BMPER: variants seen among roughly 807,000 people sequenced by gnomAD.
The protein encoded by BMPER is BMP-binding endothelial regulator protein.
In BMPER, 45 loss-of-function variants were observed where a neutral mutation model predicts 87.3. That is an observed-to-expected ratio of 0.52 (90% CI 0.41 to 0.66). BMPER has a LOEUF of 0.66. BMPER is among the 30% of genes least tolerant of loss of function. The pLI is 0.00. For missense variants in BMPER, 784 were observed against 867.5 expected (o/e 0.90, Z 1.21); for synonymous variants, 326 against 316.2 (o/e 1.03, Z -0.33).
intron 2 of BMPER, among the ~76,000 whole-genome samples, chr7:33,934,935 A>C (rs921052202): frequency 2.0e-5 from 3 of 152,094 alleles, no homozygotes; most frequent in African/African-American, 7.2e-5. Flanking sequence ...GTCGGTATAA[A>C]ATTTAGCTTG....
rs572160083 is a variant in BMPER at position 34,074,782 on chromosome 7, A to G, written c.1079-4075A>G. 2.2e-4 allele frequency among the ~76,000 whole-genome samples: 34 copies of G among 152,352 alleles called. No individual in the cohort carries two copies. In the South Asian group the frequency reaches 6.0e-3, roughly 27 times the overall value. On this transcript the variant is annotated intron_variant, in intron 11 of 14. Coordinates refer to ENST00000649409, the MANE Select transcript of BMPER (RefSeq NM_001365308.1). Reference sequence around the variant, plus strand: ...TGCTTTCAAAGTGAAAAAACATTTTAAAGACGGGAGAAACCTTACGACATG... The same window carrying G: ...TGCTTTCAAAGTGAAAAAACATTTTGAAGACGGGAGAAACCTTACGACATG...
chr7:33,948,794 T>C (rs34246218), intron 3 of BMPER, among the ~76,000 whole-genome samples: 5,024 of 152,316 alleles, frequency 0.033, 102 homozygotes, highest in Middle Eastern at 0.085. Context: ...TAAAACTCTT[T>C]TCTTTATAAA....
intron 7 of BMPER, 48 bp from the exon 8 acceptor site, chr7:34,051,813 A>G: frequency 6.8e-7 from 1 of 1,465,252 alleles, no homozygotes; most frequent in Non-Finnish European, 9.6e-7. Context: ...ACAAAATGGG[A>G]CATCCCCGAT....
At chr7:33,975,825 T>C (rs1364981035) in intron 6 of BMPER, among the ~76,000 whole-genome samples, 1 of 152,174 alleles carries the variant, frequency 6.6e-6, no homozygotes, top group Admixed American at 6.5e-5. Flanking sequence ...TTTCTCTACA[T>C]GTCTTTTCGA....
chr7:33,941,448 T>C (rs1027488593), intron 3 of BMPER, among the ~76,000 whole-genome samples: 2 of 151,974 alleles, frequency 1.3e-5, no homozygotes, highest in East Asian at 1.9e-4. Flanking sequence ...TATTTCACAC[T>C]TTGTTTCTAT....
At chr7:34,039,372 A>G (rs1170527782) in intron 6 of BMPER, among the ~76,000 whole-genome samples, 1 of 152,122 alleles carries the variant, frequency 6.6e-6, no homozygotes, top group African/African-American at 2.4e-5. Context: ...TCTAGTTCTC[A>G]ACTGGAGGTG....
chr7:34,127,818 A>G (rs368954068), intron 13 of BMPER, among the ~76,000 whole-genome samples: 3 of 152,280 alleles, frequency 2.0e-5, no homozygotes, highest in East Asian at 3.9e-4. Context: ...CCCGCAGGTA[A>G]GTGGTGTCTT....
At chr7:34,051,817 C>T in intron 7 of BMPER, 44 bp from the exon 8 acceptor site, 1 of 1,497,942 alleles carries the variant, frequency 6.7e-7, no homozygotes, top group African/African-American at 1.4e-5. Context: ...AATGGGACAT[C>T]CCCGATTCTG....
chr7:33,951,723 T>C (rs1785029154), intron 3 of BMPER, among the ~76,000 whole-genome samples: 1 of 152,204 alleles, frequency 6.6e-6, no homozygotes, highest in Non-Finnish European at 1.5e-5. Context: ...ATGGGAAAAT[T>C]GGAACTAAGT....
At chr7:34,047,810 T>TTCCTTCCTTC (rs1304068233) in intron 7 of BMPER, among the ~76,000 whole-genome samples, 1 of 74,628 alleles carries the variant, frequency 1.3e-5, no homozygotes, top group African/African-American at 5.4e-5. Flanking sequence ...TTCCTTCCTT[T>TTCCTTCCTTC]CTTCCTCACT....
At chr7:34,009,909 T>A (rs1319929133) in intron 6 of BMPER, among the ~76,000 whole-genome samples, 1 of 151,956 alleles carries the variant, frequency 6.6e-6, no homozygotes, top group African/African-American at 2.4e-5. Context: ...AGTGACCGTC[T>A]TATATTTTTG....
chr7:33,962,228 G>A (rs1002000303), intron 3 of BMPER, among the ~76,000 whole-genome samples: 2 of 152,248 alleles, frequency 1.3e-5, no homozygotes, highest in South Asian at 2.1e-4. Context: ...TCATTGCCCC[G>A]TGTTCTCAGT....
chr7:34,050,184 A>G (rs1788110753), intron 7 of BMPER, among the ~76,000 whole-genome samples: 1 of 152,200 alleles, frequency 6.6e-6, no homozygotes, highest in Admixed American at 6.5e-5. Flanking sequence ...TGGGGAATTA[A>G]CAATCATCAT....
chr7:33,916,006 G>GTC (rs1213996988), intron 2 of BMPER, among the ~76,000 whole-genome samples: 3 of 152,182 alleles, frequency 2.0e-5, no homozygotes, highest in Non-Finnish European at 2.9e-5. Flanking sequence ...CTGGGCCGTG[G>GTC]TCGGCACTTT....
rs561535792 is a variant in BMPER at position 34,107,665 on chromosome 7, C to A, written c.1745+21573C>A. On this transcript the variant is annotated intron_variant, in intron 13 of 14. Transcript: ENST00000649409. ...TTTAAAAAATAAATCTAGGGCAGCTCTCTGTGTTTTAGGATTGTTTCTCCA... is the reference window on the plus strand; with the variant it reads ...TTTAAAAAATAAATCTAGGGCAGCTATCTGTGTTTTAGGATTGTTTCTCCA... Among the ~76,000 whole-genome samples the A allele has an allele frequency of 4.6e-5, 7 of 152,224 alleles. No homozygotes were observed. In the East Asian group the frequency reaches 1.2e-3, roughly 25 times the overall value.
chr7:33,980,047 G>A (rs991728324), intron 6 of BMPER, among the ~76,000 whole-genome samples: 3 of 152,326 alleles, frequency 2.0e-5, no homozygotes. Context: ...GGATTATCTG[G>A]AGAGGATTTC....
At chr7:34,054,281 C>CACACACACAT (rs1788220749) in intron 8 of BMPER, among the ~76,000 whole-genome samples, 1 of 152,114 alleles carries the variant, frequency 6.6e-6, no homozygotes, top group South Asian at 2.1e-4. Flanking sequence ...TCTCTCTCTC[C>CACACACACAT]ACACACACAT....
chr7:34,012,810 A>T (rs1786917472), intron 6 of BMPER, among the ~76,000 whole-genome samples: 1 of 152,130 alleles, frequency 6.6e-6, no homozygotes, highest in African/African-American at 2.4e-5. Flanking sequence ...TATATCAATT[A>T]TAACCATAAA....
At chr7:33,945,335 T>C (rs1784866957) in intron 3 of BMPER, among the ~76,000 whole-genome samples, 1 of 149,430 alleles carries the variant, frequency 6.7e-6, no homozygotes, top group African/African-American at 2.5e-5. Context: ...ACTGCAACCT[T>C]CGACTCCTGG....
Sources: gnomAD v4.1 joint callset for allele counts (sites outside exome capture counted in the v4.1 genomes callset) on GRCh38, gnomAD v4.1.1 for gene constraint, MANE v1.5 for transcripts, NCBI Gene and HGNC (gene_info 2026-07-23, HGNC 2026-07-21) for gene names.